The following GXYLT2 variants were observed in gnomAD, a reference collection of about 807,000 sequenced individuals.
GXYLT2 encodes glucoside xylosyltransferase 2, also known as glycosyltransferase 8 domain containing 4.
Under a neutral mutation model 45.8 loss-of-function variants are expected in GXYLT2, and 53 were observed. The observed-to-expected ratio is 1.16, with a 90% CI of 0.93 to 1.46. GXYLT2 has a LOEUF of 1.46. GXYLT2 is among the 40% of genes most tolerant of loss of function. The pLI is 0.00. For missense variants in GXYLT2, 551 were observed against 544.4 expected, an observed-to-expected ratio of 1.01 and a Z score of -0.12; for synonymous variants, 219 against 214.2, an observed-to-expected ratio of 1.02 and a Z score of -0.19.
intron 2 of GXYLT2, among the ~76,000 whole-genome samples, chr3:72,915,015 T>C (rs1050215942): frequency 2.4e-4 from 37 of 152,038 alleles, no homozygotes; most frequent in African/African-American, 8.9e-4. Flanking sequence ...TAGCTGGGCA[T>C]GGTGACACAC....
intron 1 of GXYLT2, among the ~76,000 whole-genome samples, chr3:72,892,063 G>C (rs1709192477): frequency 6.6e-6 from 1 of 152,138 alleles, no homozygotes; most frequent in Admixed American, 6.6e-5. Context: ...AAAGAATTTG[G>C]CATGTGGAGT....
intron 5 of GXYLT2, among the ~76,000 whole-genome samples, chr3:72,959,791 C>A (rs1409276708): frequency 6.6e-6 from 1 of 151,888 alleles, no homozygotes; most frequent in Non-Finnish European, 1.5e-5. Context: ...TGCACCATCA[C>A]CCCTGGCTAA....
chr3:72,943,917 C>T (rs1297379993), intron 3 of GXYLT2, among the ~76,000 whole-genome samples: 1 of 151,696 alleles, frequency 6.6e-6, no homozygotes, highest in Non-Finnish European at 1.5e-5. Flanking sequence ...CTCCTGGGCT[C>T]AAGCTGTCCT....
chr3:72,974,934 G>C (rs1451680060), intron 6 of GXYLT2, 43 bp from the exon 7 acceptor site: 7 of 1,373,650 alleles, frequency 5.1e-6, no homozygotes, highest in Non-Finnish European at 7.0e-6. Flanking sequence ...ATTTAAAATG[G>C]CATTTCCGTT....
rs182416999 is a variant in GXYLT2, at chr3:72,888,374, C to A, written c.141C>A (p.Pro47=). ...ARPASAPQRH[P]APVPARWPGP... The stretch of plus-strand genomic sequence containing the variant: ...CCGCGTCCGCCCCGCAGCGCCACCC[C>A]GCGCCTGTCCCCGCGCGCTGGCCGG... The change falls in exon 1 of 7, where the codon CCC becomes CCA. Residue 47 remains proline, a synonymous_variant. Coordinates refer to ENST00000389617, the MANE Select transcript of GXYLT2 (RefSeq NM_001080393.2). The A allele has an allele frequency of 4.1e-6, 4 of 984,654 alleles. No homozygotes were observed. The allele number at this position is 984,654 out of a possible 1,614,324, so 61.0% of individuals were successfully genotyped here. A position where few individuals can be genotyped will look rare whatever the true frequency, so the allele number is the denominator to read the frequency against.
intron 3 of GXYLT2, among the ~76,000 whole-genome samples, chr3:72,925,269 G>A (rs1208415738): frequency 2.0e-5 from 3 of 150,324 alleles, no homozygotes; most frequent in African/African-American, 7.4e-5. Context: ...CAATTCTCCT[G>A]CCTCAATCCC....
intron 1 of GXYLT2, among the ~76,000 whole-genome samples, chr3:72,898,613 C>T (rs1709340607): frequency 6.6e-6 from 1 of 152,184 alleles, no homozygotes; most frequent in Non-Finnish European, 1.5e-5. Context: ...TGGCAAAGGT[C>T]TGTTGTGGAG....
rs78648930 is a variant in GXYLT2, at chr3:72,889,803, C to T, written c.275+1295C>T. Among the ~76,000 whole-genome samples, 1,289 of 152,190 alleles carry T rather than the reference C, an allele frequency of 8.5e-3. 23 individuals are homozygous for T. The highest frequency in any genetic ancestry group is 0.03 in the African/African-American group (1,244 of 41,510). On this transcript the variant is annotated intron_variant, in intron 1 of 6. Transcript: ENST00000389617. ...ACCTATTGCCAGGGACAGTGCTAAC[C>T]GCAGTACATACAAATAGTCACAGTT...
At chr3:72,907,000 A>G (rs1709523675) in intron 1 of GXYLT2, among the ~76,000 whole-genome samples, 1 of 152,196 alleles carries the variant, frequency 6.6e-6, no homozygotes, top group Admixed American at 6.5e-5. Context: ...AGGAGAAAGC[A>G]TAGGCTGGGG....
chr3:72,890,678 G>A (rs971277761), intron 1 of GXYLT2, among the ~76,000 whole-genome samples: 26 of 152,194 alleles, frequency 1.7e-4, no homozygotes, highest in African/African-American at 6.3e-4. Context: ...GAGAACAGTG[G>A]CGCAGCATCT....
intron 1 of GXYLT2, among the ~76,000 whole-genome samples, chr3:72,889,359 C>T: frequency 6.6e-6 from 1 of 152,146 alleles, no homozygotes; most frequent in East Asian, 1.9e-4. Flanking sequence ...GCCATTGCAA[C>T]GTCCTTGTTT....
chr3:72,959,573 C>T (rs1710729893), intron 5 of GXYLT2, among the ~76,000 whole-genome samples: 1 of 152,118 alleles, frequency 6.6e-6, no homozygotes, highest in African/African-American at 2.4e-5. Context: ...TTAGTTCATG[C>T]CTTAATCCAT....
intron 3 of GXYLT2, among the ~76,000 whole-genome samples, chr3:72,930,282 A>G (rs1710003805): frequency 6.6e-6 from 1 of 151,512 alleles, no homozygotes; most frequent in Non-Finnish European, 1.5e-5. Context: ...CGGGCAGATC[A>G]CTTGAGCTCA....
intron 3 of GXYLT2, among the ~76,000 whole-genome samples, chr3:72,943,795 G>A (rs1468419677): frequency 2.0e-5 from 3 of 152,068 alleles, no homozygotes; most frequent in African/African-American, 4.8e-5. Flanking sequence ...TAAAATGTTT[G>A]CATCTTCCCG....
At chr3:72,907,360 G>T (rs1559729237) in intron 1 of GXYLT2, among the ~76,000 whole-genome samples, 2 of 152,298 alleles carry the variant, frequency 1.3e-5, no homozygotes, top group Admixed American at 1.3e-4. Flanking sequence ...ACCATGCAGT[G>T]AATAATGGAG....
intron 3 of GXYLT2, among the ~76,000 whole-genome samples, chr3:72,939,737 G>A (rs1442337462): frequency 1.3e-5 from 2 of 149,780 alleles, no homozygotes; most frequent in African/African-American, 2.5e-5. Flanking sequence ...CTGGAGTGCA[G>A]TGGTGCTATC....
rs78966263 is a variant in GXYLT2 at position 72,931,246 on chromosome 3, T to C, written c.600+8911T>C. On this transcript the variant is annotated intron_variant, in intron 3 of 6. Coordinates refer to ENST00000389617, the MANE Select transcript of GXYLT2 (RefSeq NM_001080393.2). The stretch of plus-strand genomic sequence containing the variant: ...TTTATTTTATTTTCTATTTTTTTTT[T>C]GAGACGGAGTCTTGCACTGTCCCCA... Among the ~76,000 whole-genome samples, 1,401 of 152,114 alleles carry C rather than the reference T, an allele frequency of 9.2e-3. 18 individuals carry two copies. The highest frequency in any genetic ancestry group is 0.032 in the African/African-American group (1,345 of 41,482).
intron 6 of GXYLT2, among the ~76,000 whole-genome samples, chr3:72,970,507 A>G (rs1710967230): frequency 6.6e-6 from 1 of 151,880 alleles, no homozygotes; most frequent in African/African-American, 2.4e-5. Context: ...AAAGAAAATA[A>G]ATGAAAAAAA....
intron 5 of GXYLT2, among the ~76,000 whole-genome samples, chr3:72,961,674 A>AG (rs1553710836): frequency 5.0e-5 from 6 of 119,008 alleles, no homozygotes; most frequent in South Asian, 3.0e-4. Context: ...AAAAAAAAAA[A>AG]AGAGAGAGAG....
Sources: gnomAD v4.1 joint callset for allele counts (sites outside exome capture counted in the v4.1 genomes callset) on GRCh38, gnomAD v4.1.1 for gene constraint, MANE v1.5 for transcripts, NCBI Gene and HGNC (gene_info 2026-07-23, HGNC 2026-07-21) for gene names.